The following ADK variants were observed in gnomAD, a reference collection of about 807,000 sequenced individuals.
ADK encodes the protein N6,N6-dimethyladenosine kinase.
In ADK, 24 loss-of-function variants were observed where a neutral mutation model predicts 44.7. The observed-to-expected ratio is 0.54, with a 90% CI of 0.39 to 0.76. The LOEUF (loss-of-function observed/expected upper bound fraction) is 0.76, where lower values mean the gene tolerates loss of function less well. ADK is among the 30% of genes least tolerant of loss of function. The pLI is 0.00. For synonymous variants in ADK, 128 were observed against 142.6 expected (o/e 0.90, Z 0.73); for missense variants, 321 against 425.1 (o/e 0.76, Z 2.15).
intron 9 of ADK, among the ~76,000 whole-genome samples, chr10:74,629,396 A>G (rs1472080140): frequency 6.6e-6 from 1 of 152,180 alleles, no homozygotes; most frequent in Non-Finnish European, 1.5e-5. Context: ...ATCCTTAACT[A>G]TCAAGACCCA....
intron 4 of ADK, among the ~76,000 whole-genome samples, chr10:74,331,166 A>T (rs1316667749): frequency 6.6e-6 from 1 of 152,218 alleles, no homozygotes; most frequent in African/African-American, 2.4e-5. Context: ...ATAAAACTAG[A>T]TAATAAACTA....
intron 6 of ADK, among the ~76,000 whole-genome samples, chr10:74,419,478 G>T (rs1483558625): frequency 1.3e-5 from 2 of 152,100 alleles, no homozygotes; most frequent in African/African-American, 2.4e-5. Context: ...TGATGCCTCT[G>T]CTCTCCAGAT....
At chr10:74,337,910 C>G (rs1417078834) in intron 4 of ADK, among the ~76,000 whole-genome samples, 1 of 151,956 alleles carries the variant, frequency 6.6e-6, no homozygotes, top group African/African-American at 2.4e-5. Flanking sequence ...TTACAGGCAC[C>G]TGCCACCACG....
chr10:74,283,756 C>T (rs1847044151), intron 3 of ADK, among the ~76,000 whole-genome samples: 1 of 149,118 alleles, frequency 6.7e-6, no homozygotes, highest in African/African-American at 2.5e-5. Context: ...TCTCTGCTCA[C>T]TGCAAGATCC....
chr10:74,394,074 G>A (rs1843426823), intron 4 of ADK, 67 bp from the exon 5 acceptor site: 1 of 1,470,388 alleles, frequency 6.8e-7, no homozygotes, highest in Non-Finnish European at 9.5e-7. Flanking sequence ...CACTATCTGT[G>A]GCAGAATATT....
At chr10:74,211,239 A>G (rs1200957308) in intron 2 of ADK, among the ~76,000 whole-genome samples, 3 of 152,166 alleles carry the variant, frequency 2.0e-5, no homozygotes, top group South Asian at 4.1e-4. Flanking sequence ...AGCTTTCAAC[A>G]TTATGTTTTG....
At chr10:74,201,471 T>C (rs7895587) in intron 2 of ADK, among the ~76,000 whole-genome samples, 111,920 of 152,006 alleles carry the variant, frequency 0.74, 41,911 homozygotes, top group Middle Eastern at 0.85. Flanking sequence ...GAGAGAGACA[T>C]GCACCACGTC....
chr10:74,627,662 G>A (rs182673889), intron 9 of ADK, among the ~76,000 whole-genome samples: 6 of 151,174 alleles, frequency 4.0e-5, no homozygotes, highest in East Asian at 3.9e-4. Flanking sequence ...ACGGAGTCTC[G>A]CTCTGTCACC....
chr10:74,420,827 T>A (rs995116761), intron 6 of ADK, among the ~76,000 whole-genome samples: 50 of 152,180 alleles, frequency 3.3e-4, no homozygotes, highest in African/African-American at 1.2e-3. Context: ...AGACTCATGA[T>A]TTTTAATTTT....
At position 74,314,699 on chromosome 10, in the gene ADK, A is replaced by T. The variant is rs1403785207; in HGVS notation, c.227A>T (p.Glu76Val). The change falls in exon 4 of 11, where the codon GAA becomes GTA. Residue 76 changes from glutamate (E) to valine (V), a missense_variant. Transcript: ENST00000539909. The part of the protein sequence containing the change: ...FDELVKKFKV[E>V]YHAGGSTQNS... ...GAACTTGTGAAAAAATTCAAAGTCG[A>T]ATATCATGCTGGTGGCTCTACCCAG... 1.1e-5 allele frequency: 17 copies of T among 1,613,078 alleles called. No individual in the cohort carries two copies. The highest frequency in any genetic ancestry group is 1.4e-5 in the Non-Finnish European group (16 of 1,179,450).
intron 3 of ADK, among the ~76,000 whole-genome samples, chr10:74,230,673 C>T (rs1324110409): frequency 6.9e-6 from 1 of 145,172 alleles, no homozygotes; most frequent in East Asian, 2.0e-4. Context: ...TCTACTGCAC[C>T]CAGCCAGTAA....
chr10:74,506,130 T>G (rs1848064683), intron 6 of ADK: 1 of 153,068 alleles, frequency 6.5e-6, no homozygotes, highest in African/African-American at 2.4e-5. Flanking sequence ...GAGTATGCCT[T>G]TCTTATAGCA....
intron 3 of ADK, among the ~76,000 whole-genome samples, chr10:74,242,028 G>T (rs895093568): frequency 6.6e-5 from 10 of 151,972 alleles, no homozygotes; most frequent in African/African-American, 2.4e-4. Flanking sequence ...TTATATGCTG[G>T]TTCAGCTATC....
intron 6 of ADK, among the ~76,000 whole-genome samples, chr10:74,427,935 A>G (rs1008418882): frequency 2.0e-5 from 3 of 152,076 alleles, no homozygotes; most frequent in African/African-American, 7.2e-5. Flanking sequence ...AGAGCTCCAA[A>G]CCGAAGGTGT....
At chr10:74,584,823 C>A (rs1358729268) in intron 7 of ADK, among the ~76,000 whole-genome samples, 3 of 152,072 alleles carry the variant, frequency 2.0e-5, no homozygotes, top group Non-Finnish European at 4.4e-5. Context: ...GGCTCCATTC[C>A]CCCTTGGCTT....
At chr10:74,302,677 T>C (rs1840099707) in intron 3 of ADK, among the ~76,000 whole-genome samples, 1 of 152,090 alleles carries the variant, frequency 6.6e-6, no homozygotes, top group African/African-American at 2.4e-5. Flanking sequence ...ATGCCTATGG[T>C]CCCAGCTACT....
chr10:74,628,301 G>A (rs1853289938), intron 9 of ADK, among the ~76,000 whole-genome samples: 2 of 152,044 alleles, frequency 1.3e-5, no homozygotes, highest in Admixed American at 1.3e-4. Flanking sequence ...TTTCTCCTCA[G>A]ATGAGTCATG....
chr10:74,686,838 C>T (rs573541146), intron 10 of ADK, among the ~76,000 whole-genome samples: 39 of 151,972 alleles, frequency 2.6e-4, no homozygotes, highest in African/African-American at 6.0e-4. Flanking sequence ...CCACCACGCC[C>T]GGCTAATTTT....
At chr10:74,173,874 A>G (rs1377739487) in intron 1 of ADK, among the ~76,000 whole-genome samples, 1 of 152,234 alleles carries the variant, frequency 6.6e-6, no homozygotes, top group Admixed American at 6.5e-5. Flanking sequence ...TTTAACTATT[A>G]TGATAATAAC....
Sources: gnomAD v4.1 joint callset for allele counts (sites outside exome capture counted in the v4.1 genomes callset) on GRCh38, gnomAD v4.1.1 for gene constraint, MANE v1.5 for transcripts, NCBI Gene and HGNC (gene_info 2026-07-23, HGNC 2026-07-21) for gene names.